The following PUDP variants were observed in gnomAD, a reference collection of about 807,000 sequenced individuals.
PUDP encodes pseudouridine-5'-phosphatase.
Under a neutral mutation model 9.4 loss-of-function variants are expected in PUDP, and 8 were observed. That is an observed-to-expected ratio of 0.85 (90% CI 0.50 to 1.53). The LOEUF is 1.53. PUDP is among the 40% of genes most tolerant of loss of function. PUDP has a pLI of 0.00. For missense variants in PUDP, 188 were observed against 189.7 expected, an observed-to-expected ratio of 0.99 and a Z score of 0.05; for synonymous variants, 99 against 80.7, an observed-to-expected ratio of 1.23 and a Z score of -1.22.
upstream of PUDP, among the ~76,000 whole-genome samples, chrX:6,723,995 C>T (rs978724738): frequency 2.7e-5 from 3 of 111,031 alleles, no homozygotes; most frequent in Non-Finnish European, 3.8e-5. Flanking sequence ...CAAAATATGT[C>T]GATGGCAGAT....
chrX:7,041,966 T>A (rs1004653697), intron 1 of PUDP, among the ~76,000 whole-genome samples: 5 of 108,149 alleles, frequency 4.6e-5, no homozygotes, highest in Non-Finnish European at 9.6e-5. Context: ...CCTGAGTAGC[T>A]GGTAGGGGTG....
chrX:7,111,991 T>TA (rs5901334), intron 1 of PUDP, among the ~76,000 whole-genome samples: 24,842 of 97,989 alleles, frequency 0.25, 2,515 homozygotes, highest in Admixed American at 0.37. Context: ...ATATTTTGCT[T>TA]AAAAAAAAAA....
chrX:6,803,276 G>A (rs1425615179), intron 3 of PUDP, among the ~76,000 whole-genome samples: 3 of 110,312 alleles, frequency 2.7e-5, no homozygotes, highest in Non-Finnish European at 5.7e-5. Flanking sequence ...GTAACCATAA[G>A]TATCACACGG....
intron 3 of PUDP, among the ~76,000 whole-genome samples, chrX:6,853,113 T>C (rs1314389100): frequency 8.9e-6 from 1 of 111,873 alleles, no homozygotes; most frequent in Non-Finnish European, 1.9e-5. Context: ...TTTTCCATTG[T>C]AGGCACGTCT....
intron 3 of PUDP, among the ~76,000 whole-genome samples, chrX:6,871,052 G>C (rs1266166109): frequency 2.7e-5 from 3 of 111,918 alleles, no homozygotes; most frequent in Non-Finnish European, 5.6e-5. Context: ...GCCCAAGCTG[G>C]TCTCAAACTT....
chrX:7,143,704 C>T (rs1398961357), intron 1 of PUDP, among the ~76,000 whole-genome samples: 5 of 112,013 alleles, frequency 4.5e-5, no homozygotes, highest in African/African-American at 1.3e-4. Flanking sequence ...TAAATCTCTT[C>T]GGACCCTTAA....
At chrX:6,777,489 T>A (rs989934910) in intron 3 of PUDP, among the ~76,000 whole-genome samples, 2 of 112,543 alleles carry the variant, frequency 1.8e-5, no homozygotes, top group African/African-American at 6.5e-5. Flanking sequence ...TCTTTAGGGA[T>A]CTGCAGAAGC....
At chrX:6,718,812 G>C (rs1924629384) in intron 1 of PUDP, among the ~76,000 whole-genome samples, 1 of 111,930 alleles carries the variant, frequency 8.9e-6, no homozygotes, top group African/African-American at 3.2e-5. Context: ...GACTAGAAGA[G>C]ACAAACTCCC....
intron 3 of PUDP, among the ~76,000 whole-genome samples, chrX:6,919,564 C>T (rs566346820): frequency 4.6e-4 from 51 of 110,203 alleles, no homozygotes; most frequent in African/African-American, 1.6e-3. Flanking sequence ...AACAGGAGAA[C>T]GACTTGAGAA....
At chrX:6,719,384 C>T (rs111783115) in intron 1 of PUDP, among the ~76,000 whole-genome samples, 2,280 of 111,769 alleles carry the variant, frequency 0.02, 48 homozygotes, top group African/African-American at 0.067. Context: ...AGTCACATTG[C>T]GGGGTAGGGC....
At position 6,714,993 on chromosome X, in the gene PUDP, A is replaced by ATGTGTG. The variant is rs775165133; in HGVS notation, n.128+6418_128+6423dup. Among the ~76,000 whole-genome samples the ATGTGTG allele has an allele frequency of 3.9e-3, 405 of 104,907 alleles. 1 individual carries two copies. Among genetic ancestry groups the ATGTGTG allele is most frequent in the African/African-American group, 0.013 (366 of 28,299 alleles). The allele number at this position is 104,907 out of a possible 115,157, so 91.1% of individuals were successfully genotyped here. On this transcript the variant is annotated intron_variant and non_coding_transcript_variant, in intron 1 of 2. Transcript: ENST00000438499. ...TGTATGTGTGTGTGTATATATATAT[A>ATGTGTG]TGTGTGTGTGTGTGTGTGTGTGTAC...
At position 7,031,295 on chromosome X, in the gene PUDP, G is replaced by T. The variant is rs138351537; in HGVS notation, c.204+45925C>A. On this transcript the variant is annotated intron_variant and NMD_transcript_variant, in intron 1 of 3. Coordinates refer to the PUDP transcript ENST00000655425. ...ATTTTACTCAGCCTTTATTCAAGATGGAGTTGCTCTTGTTCAAATGTCTCT... is the reference window on the plus strand; with the variant it reads ...ATTTTACTCAGCCTTTATTCAAGATTGAGTTGCTCTTGTTCAAATGTCTCT... 6.7e-3 allele frequency among the ~76,000 whole-genome samples: 753 copies of T among 112,006 alleles called. 9 individuals are homozygous for T. The highest frequency in any genetic ancestry group is 0.023 in the African/African-American group (711 of 30,802).
chrX:7,090,468 A>G (rs1178496913), intron 2 of PUDP, among the ~76,000 whole-genome samples: 1 of 111,688 alleles, frequency 9.0e-6, no homozygotes, highest in African/African-American at 3.3e-5. Context: ...AATCCCTAAT[A>G]GACAAAAAGG....
intron 3 of PUDP, among the ~76,000 whole-genome samples, chrX:6,733,488 C>T (rs1022310616): frequency 9.0e-6 from 1 of 111,478 alleles, no homozygotes; most frequent in African/African-American, 3.3e-5. Flanking sequence ...ATGGTAGCCA[C>T]TGCAGCGTTT....
intron 3 of PUDP, among the ~76,000 whole-genome samples, chrX:6,938,691 C>T (rs1418785812): frequency 7.4e-5 from 8 of 107,945 alleles, no homozygotes; most frequent in Admixed American, 4.0e-4. Context: ...CGAAAGAGAA[C>T]AAACTGCCTA....
At chrX:6,723,766 T>C (rs1924705796), upstream of PUDP, among the ~76,000 whole-genome samples, 1 of 111,595 alleles carries the variant, frequency 9.0e-6, no homozygotes, top group Non-Finnish European at 1.9e-5. Context: ...TTGACACTAC[T>C]TGAGGACAGT....
intron 3 of PUDP, among the ~76,000 whole-genome samples, chrX:6,946,987 TTTTC>T (rs1384206341): frequency 2.2e-5 from 2 of 89,814 alleles, no homozygotes; most frequent in African/African-American, 4.1e-5. Flanking sequence ...TTTTGTTTGT[TTTTC>T]TGTTTGTTTG....
chrX:6,951,883 A>C (rs5934714), intron 3 of PUDP, among the ~76,000 whole-genome samples: 41,286 of 111,106 alleles, frequency 0.37, 5,696 homozygotes, highest in Middle Eastern at 0.43. Flanking sequence ...CAATGACAAC[A>C]AATGCTTGTT....
chrX:6,922,868 C>T (rs1364194612), intron 3 of PUDP, among the ~76,000 whole-genome samples: 1 of 112,228 alleles, frequency 8.9e-6, no homozygotes, highest in Admixed American at 9.5e-5. Context: ...AAAATAAATA[C>T]AGAACCCTCT....
Sources: gnomAD v4.1 joint callset for allele counts (sites outside exome capture counted in the v4.1 genomes callset) on GRCh38, gnomAD v4.1.1 for gene constraint, MANE v1.5 for transcripts, NCBI Gene and HGNC (gene_info 2026-07-23, HGNC 2026-07-21) for gene names.